The following SCARA5 variants were observed in gnomAD, a reference collection of about 807,000 sequenced individuals.
SCARA5 encodes the protein scavenger receptor class A member 5.
A neutral mutation model predicts 46.3 loss-of-function variants in SCARA5; 45 were observed. That is an observed-to-expected ratio of 0.97 (90% CI 0.76 to 1.24). SCARA5 has a LOEUF of 1.24. Among genes scored for constraint, SCARA5 ranks in the 50% most tolerant of loss-of-function variants. The pLI is 0.00. For missense variants in SCARA5, 680 were observed against 689.0 expected, an observed-to-expected ratio of 0.99 and a Z score of 0.15; for synonymous variants, 333 against 306.5, an observed-to-expected ratio of 1.09 and a Z score of -0.90.
chr8:27,943,819 T>C (rs1249504137), intron 3 of SCARA5, among the ~76,000 whole-genome samples: 1 of 152,188 alleles, frequency 6.6e-6, no homozygotes. Context: ...GCTAAAATCA[T>C]GGAGTGAAGG....
At chr8:27,905,763 T>C (rs1807251648) in intron 6 of SCARA5, among the ~76,000 whole-genome samples, 2 of 142,394 alleles carry the variant, frequency 1.4e-5, no homozygotes, top group African/African-American at 5.3e-5. Context: ...CAGGCGGGAG[T>C]GCAGTGGTGC....
chr8:27,975,426 C>T (rs1808507590), intron 2 of SCARA5, among the ~76,000 whole-genome samples: 1 of 152,128 alleles, frequency 6.6e-6, no homozygotes, highest in Admixed American at 6.5e-5. Flanking sequence ...GGGTGGGAGT[C>T]CTGGGAACCC....
At chr8:27,990,581 C>T (rs568689273) in intron 1 of SCARA5, among the ~76,000 whole-genome samples, 2 of 152,274 alleles carry the variant, frequency 1.3e-5, no homozygotes, top group Non-Finnish European at 2.9e-5. Context: ...GAAGAGGCCC[C>T]GGGCACAGTT....
intron 3 of SCARA5, among the ~76,000 whole-genome samples, chr8:27,965,095 T>C (rs1321337119): frequency 6.6e-6 from 1 of 152,186 alleles, no homozygotes; most frequent in Non-Finnish European, 1.5e-5. Flanking sequence ...TCTCTCGTTG[T>C]TGCTGTTGGC....
At chr8:27,922,787 T>C (rs1295816705) in intron 3 of SCARA5, among the ~76,000 whole-genome samples, 1 of 94,064 alleles carries the variant, frequency 1.1e-5, no homozygotes, top group Admixed American at 1.3e-4. Context: ...AAAGTCATAG[T>C]AAGGGGGGTC....
intron 3 of SCARA5, among the ~76,000 whole-genome samples, chr8:27,933,328 CCTGA>C (rs200343341): frequency 0.028 from 4,275 of 151,864 alleles, 99 homozygotes; most frequent in East Asian, 0.052. Flanking sequence ...TCGAGACCAG[CCTGA>C]CTAACATTGT....
chr8:27,945,173 A>C (rs555186131), intron 3 of SCARA5, among the ~76,000 whole-genome samples: 5 of 152,066 alleles, frequency 3.3e-5, no homozygotes, highest in African/African-American at 9.6e-5. Context: ...AAAAAATAAT[A>C]ATAAATTGAA....
intron 3 of SCARA5, among the ~76,000 whole-genome samples, chr8:27,923,355 A>ACAGTGT (rs1307543471): frequency 7.2e-5 from 11 of 152,302 alleles, no homozygotes; most frequent in Non-Finnish European, 1.5e-4. Context: ...CTGATAAGCC[A>ACAGTGT]CAGTGTCTCC....
chr8:27,872,196 G>A (rs11776426), intron 8 of SCARA5, 126 bp from the exon 9 acceptor site: 472,056 of 886,030 alleles, frequency 0.53, 129,694 homozygotes, highest in Admixed American at 0.62. Flanking sequence ...GCTTCCAGCT[G>A]CCCTCTCCAC....
intron 3 of SCARA5, among the ~76,000 whole-genome samples, chr8:27,951,671 G>A (rs1808130341): frequency 6.6e-6 from 1 of 152,240 alleles, no homozygotes; most frequent in South Asian, 2.1e-4. Context: ...TGTGCTCCAC[G>A]CCAGGGAATG....
chr8:27,885,756 A>G (rs1232481234), intron 7 of SCARA5, among the ~76,000 whole-genome samples: 1 of 152,160 alleles, frequency 6.6e-6, no homozygotes, highest in African/African-American at 2.4e-5. Flanking sequence ...AGGCTGTTAC[A>G]ATGACCGTAC....
intron 7 of SCARA5, among the ~76,000 whole-genome samples, chr8:27,883,118 TCAGTGCTTGGCA>T (rs936673472): frequency 2.0e-5 from 3 of 152,152 alleles, no homozygotes; most frequent in African/African-American, 7.2e-5. Flanking sequence ...ATCTCTAAAC[TCAGTGCTTGGCA>T]CACAGCCTGG....
intron 3 of SCARA5, among the ~76,000 whole-genome samples, chr8:27,930,044 C>CT (rs1231204786): frequency 2.0e-5 from 3 of 152,174 alleles, no homozygotes; most frequent in Non-Finnish European, 4.4e-5. Context: ...ATGGTCCCCC[C>CT]CAGTCCTGCA....
intron 7 of SCARA5, among the ~76,000 whole-genome samples, chr8:27,890,838 G>A (rs919908719): frequency 2.0e-5 from 3 of 152,188 alleles, no homozygotes; most frequent in African/African-American, 4.8e-5. Context: ...AACATGTATC[G>A]ATCTAGCCTT....
chr8:27,934,636 C>T (rs1171485228), intron 3 of SCARA5, among the ~76,000 whole-genome samples: 6 of 152,178 alleles, frequency 3.9e-5, no homozygotes, highest in African/African-American at 2.4e-5. Context: ...CTGTGGTTAC[C>T]TGGGCTGTGA....
intron 2 of SCARA5, among the ~76,000 whole-genome samples, chr8:27,986,677 G>C (rs958314851): frequency 6.6e-6 from 1 of 152,196 alleles, no homozygotes; most frequent in Admixed American, 6.5e-5. Flanking sequence ...GAGGAATGCA[G>C]GGTCGGAGGA....
intron 2 of SCARA5, among the ~76,000 whole-genome samples, chr8:27,972,329 CAAAACAAAACAA>C (rs143348020): frequency 0.54 from 81,599 of 151,170 alleles, 22,134 homozygotes; most frequent in South Asian, 0.62. Context: ...AAAAACAAAA[CAAAACAAAACAA>C]AAAACAAAAC....
At chr8:27,943,115 T>C (rs1585504257) in intron 3 of SCARA5, among the ~76,000 whole-genome samples, 1 of 152,098 alleles carries the variant, frequency 6.6e-6, no homozygotes, top group East Asian at 1.9e-4. Flanking sequence ...CCATCCAACA[T>C]AGAAGCACCA....
At chr8:27,932,119 A>G (rs985208139) in intron 3 of SCARA5, among the ~76,000 whole-genome samples, 1 of 152,120 alleles carries the variant, frequency 6.6e-6, no homozygotes, top group African/African-American at 2.4e-5. Context: ...AGCTGGGACT[A>G]CAGGCGTGCA....
Sources: gnomAD v4.1 joint callset for allele counts (sites outside exome capture counted in the v4.1 genomes callset) on GRCh38, gnomAD v4.1.1 for gene constraint, MANE v1.5 for transcripts, NCBI Gene and HGNC (gene_info 2026-07-23, HGNC 2026-07-21) for gene names.